CCDC169: variants seen among roughly 807,000 people sequenced by gnomAD.
The protein encoded by CCDC169 is coiled-coil domain containing 169, also known as coiled-coil domain-containing protein 169.
In CCDC169, 30 loss-of-function variants were observed where a neutral mutation model predicts 36.0. The observed-to-expected ratio is 0.83, with a 90% CI of 0.62 to 1.13. The LOEUF (loss-of-function observed/expected upper bound fraction) is 1.13, where lower values mean the gene tolerates loss of function less well. Among genes scored for constraint, CCDC169 ranks in the 50% most tolerant of loss-of-function variants. CCDC169 has a pLI of 0.00. For synonymous variants in CCDC169, 85 were observed against 81.5 expected (o/e 1.04, Z -0.23); for missense variants, 245 against 245.9 (o/e 1.00, Z 0.03).
At chr13:36,236,656 T>C (rs1013108804) in intron 7 of CCDC169, among the ~76,000 whole-genome samples, 1 of 151,964 alleles carries the variant, frequency 6.6e-6, no homozygotes, top group South Asian at 2.1e-4. Context: ...TCTAAAGATA[T>C]CATCAAGAAA....
Position 36,253,832 on chromosome 13 carries a change from G to C in CCDC169, c.439C>G (p.Arg147Gly). Reference sequence around the variant, plus strand: ...GACATTTCAGCTAGGTATGTACGGCGTTCATTGTTGATCTTCTGGTAAGCC... The same window carrying C: ...GACATTTCAGCTAGGTATGTACGGCCTTCATTGTTGATCTTCTGGTAAGCC... The part of the protein sequence containing the change: ...SKAYQKINNE[R>G]RTYLAEMSQG... Residue 147 changes from arginine (R) to glycine (G), a missense_variant, in exon 6 of 8, where the codon CGC (arginine) becomes GGC (glycine). Coordinates refer to ENST00000239859, the MANE Select transcript of CCDC169 (RefSeq NM_001144981.3). 6.4e-7 allele frequency: 1 copy of C among 1,551,180 alleles called. No individual in the cohort carries two copies. The highest frequency in any genetic ancestry group is 8.7e-7 in the Non-Finnish European group (1 of 1,146,890).
chr13:36,268,243 T>G (rs959117497), intron 4 of CCDC169, among the ~76,000 whole-genome samples: 1 of 152,144 alleles, frequency 6.6e-6, no homozygotes, highest in Non-Finnish European at 1.5e-5. Context: ...TCTCAATAAA[T>G]TTTTTAAAAT....
downstream of CCDC169, chr13:36,227,209 T>C (rs1253026876): frequency 3.9e-6 from 6 of 1,542,128 alleles, no homozygotes. Flanking sequence ...TTTTAGCTCT[T>C]CAGGTGAGTC....
At chr13:36,281,480 T>C (rs930588889) in intron 4 of CCDC169, among the ~76,000 whole-genome samples, 1 of 152,234 alleles carries the variant, frequency 6.6e-6, no homozygotes. Context: ...CACCAACCTA[T>C]TATCAGAACA....
chr13:36,249,401 A>G (rs903924434), intron 6 of CCDC169, among the ~76,000 whole-genome samples: 1 of 152,216 alleles, frequency 6.6e-6, no homozygotes, highest in African/African-American at 2.4e-5. Context: ...AGAAGTGAGC[A>G]TGGTTGGCAG....
intron 7 of CCDC169, among the ~76,000 whole-genome samples, chr13:36,240,965 C>A (rs1029181868): frequency 6.6e-6 from 1 of 151,932 alleles, no homozygotes; most frequent in African/African-American, 2.4e-5. Context: ...CCTTCAACAG[C>A]AGTATAGATA....
Position 36,270,642 on chromosome 13 carries a change from G to A in CCDC169, c.315+12827C>T, listed in dbSNP as rs751435034. ...AAATACTTACAGCCAGCTGATCTTCGACAAAGCATACAAAAACATAACTTA... is the reference window on the plus strand; with the variant it reads ...AAATACTTACAGCCAGCTGATCTTCAACAAAGCATACAAAAACATAACTTA... On this transcript the variant is annotated intron_variant, in intron 4 of 7. Transcript: ENST00000239859. Among the ~76,000 whole-genome samples, 5 of 152,092 alleles carry A rather than the reference G, an allele frequency of 3.3e-5. No individual in the cohort carries two copies. In the South Asian group the frequency reaches 8.3e-4, roughly 25 times the overall value.
chr13:36,238,950 G>A (rs899170948), intron 7 of CCDC169, among the ~76,000 whole-genome samples: 4 of 152,122 alleles, frequency 2.6e-5, no homozygotes, highest in African/African-American at 9.7e-5. Context: ...CAGAAAAGGG[G>A]CCAGGTGCAG....
chr13:36,241,738 TG>T (rs34735384), intron 7 of CCDC169, among the ~76,000 whole-genome samples: 61,553 of 151,954 alleles, frequency 0.41, 13,234 homozygotes, highest in Non-Finnish European at 0.48. Context: ...GATATATTAC[TG>T]GAATTGTTGG....
intron 7 of CCDC169, among the ~76,000 whole-genome samples, chr13:36,232,677 C>T (rs1243501256): frequency 4.7e-5 from 3 of 63,538 alleles, no homozygotes; most frequent in East Asian, 4.6e-4. Flanking sequence ...CACTGCAGTC[C>T]GCAGTCCGGC....
intron 4 of CCDC169, among the ~76,000 whole-genome samples, chr13:36,260,273 TG>T (rs1000492735): frequency 1.4e-4 from 21 of 152,140 alleles, no homozygotes; most frequent in African/African-American, 4.8e-4. Context: ...TTGTTACCAT[TG>T]TAACAAAAGA....
Position 36,231,077 on chromosome 13 carries a change from G to T in CCDC169, c.*116C>A, listed in dbSNP as rs1870369043. On this transcript the variant is annotated 3_prime_UTR_variant, in exon 8 of 8. Coordinates refer to ENST00000239859, the MANE Select transcript of CCDC169 (RefSeq NM_001144981.3). Reference sequence around the variant, plus strand: ...TCTGGAAAAGGAACTAAAGAAAAATGTGGCAGTTCTTATCTATTTTATTCC... The same window carrying T: ...TCTGGAAAAGGAACTAAAGAAAAATTTGGCAGTTCTTATCTATTTTATTCC... 4 of 1,432,942 alleles carry T rather than the reference G, an allele frequency of 2.8e-6. No individual in the cohort carries two copies. In the South Asian group the frequency reaches 6.4e-5, roughly 23 times the overall value. 88.8% of individuals were successfully genotyped at this position (1,432,942 alleles called of 1,614,324 possible).
At chr13:36,239,057 C>T (rs183622301) in intron 7 of CCDC169, among the ~76,000 whole-genome samples, 2 of 151,786 alleles carry the variant, frequency 1.3e-5, no homozygotes, top group Admixed American at 1.3e-4. Flanking sequence ...ATGGCAAGAC[C>T]CTGTCCATAT....
intron 4 of CCDC169, among the ~76,000 whole-genome samples, chr13:36,278,659 A>G (rs947197313): frequency 6.6e-6 from 1 of 152,100 alleles, no homozygotes; most frequent in African/African-American, 2.4e-5. Flanking sequence ...TTCCTTCTCA[A>G]TAATATTCCC....
chr13:36,274,788 C>T (rs1242180761), intron 4 of CCDC169, among the ~76,000 whole-genome samples: 4 of 151,502 alleles, frequency 2.6e-5, no homozygotes, highest in African/African-American at 9.7e-5. Context: ...ACTGTTTACA[C>T]ACCTGAAATA....
chr13:36,279,889 G>A (rs1169125911), intron 4 of CCDC169, among the ~76,000 whole-genome samples: 2 of 152,136 alleles, frequency 1.3e-5, no homozygotes, highest in Non-Finnish European at 2.9e-5. Flanking sequence ...AAGCCTAGAG[G>A]AACACTTTGC....
chr13:36,224,057 A>T (rs2138355316), downstream of CCDC169: 1 of 152,266 alleles, frequency 6.6e-6, no homozygotes, highest in Admixed American at 6.5e-5. Flanking sequence ...CTCTTTATAA[A>T]TTTTTTAAAA....
chr13:36,264,470 G>A (rs1243709321), intron 4 of CCDC169, among the ~76,000 whole-genome samples: 1 of 152,018 alleles, frequency 6.6e-6, no homozygotes, highest in East Asian at 1.9e-4. Flanking sequence ...CCTGGATAAA[G>A]AAAGCTTAAC....
At chr13:36,263,262 T>C (rs1359754251) in intron 4 of CCDC169, among the ~76,000 whole-genome samples, 1 of 152,234 alleles carries the variant, frequency 6.6e-6, no homozygotes, top group African/African-American at 2.4e-5. Flanking sequence ...CCCCAACTGA[T>C]AACTGATCAT....
Sources: gnomAD v4.1 joint callset for allele counts (sites outside exome capture counted in the v4.1 genomes callset) on GRCh38, gnomAD v4.1.1 for gene constraint, MANE v1.5 for transcripts, NCBI Gene and HGNC (gene_info 2026-07-23, HGNC 2026-07-21) for gene names.